Variants in TNFRSF21 observed in about 807,000 individuals in gnomAD.
TNFRSF21 encodes the protein TNF receptor superfamily member 21.
TNFRSF21 carries 19 observed loss-of-function variants against 45.6 expected under a neutral mutation model. That is an observed-to-expected ratio of 0.42 (90% CI 0.29 to 0.61). The LOEUF (loss-of-function observed/expected upper bound fraction) is 0.61. TNFRSF21 is among the 20% of genes least tolerant of loss of function. TNFRSF21 has a pLI of 0.23. For synonymous variants in TNFRSF21, 314 were observed against 335.5 expected, an observed-to-expected ratio of 0.94 and a Z score of 0.70; for missense variants, 737 against 851.5, an observed-to-expected ratio of 0.87 and a Z score of 1.67.
At chr6:47,233,526 TGA>T (rs1353598414) in intron 5 of TNFRSF21, among the ~76,000 whole-genome samples, 2 of 152,130 alleles carry the variant, frequency 1.3e-5, no homozygotes, top group African/African-American at 4.8e-5. Flanking sequence ...ACTAAACTGC[TGA>T]GAGAGTAAAA....
At chr6:47,291,947 T>G (rs2064599) in intron 1 of TNFRSF21, among the ~76,000 whole-genome samples, 90,444 of 151,986 alleles carry the variant, frequency 0.6, 29,297 homozygotes, top group African/African-American at 0.87. Context: ...CCTGAGAAAA[T>G]CCATTTTCCT....
At chr6:47,268,131 C>T (rs1762361758) in intron 3 of TNFRSF21, among the ~76,000 whole-genome samples, 1 of 152,178 alleles carries the variant, frequency 6.6e-6, no homozygotes, top group Non-Finnish European at 1.5e-5. Context: ...GGCCACATGC[C>T]TGAGAGCCAG....
chr6:47,260,646 T>A (rs1765061367), intron 3 of TNFRSF21, among the ~76,000 whole-genome samples: 1 of 152,180 alleles, frequency 6.6e-6, no homozygotes, highest in Non-Finnish European at 1.5e-5. Flanking sequence ...CTGGAATGAA[T>A]GTCATCAATG....
At chr6:47,306,633 T>C (rs544449364) in intron 1 of TNFRSF21, among the ~76,000 whole-genome samples, 144 of 152,354 alleles carry the variant, frequency 9.5e-4, no homozygotes, top group Non-Finnish European at 1.8e-3. Flanking sequence ...TATACATGTG[T>C]ATATATTATA....
chr6:47,289,875 T>C lies in TNFRSF21; in HGVS notation c.97-3280A>G, dbSNP rs575350818. ...CAGATGTGGTGGAGCATGCCTGTAATCCCAGCTACTTGGGAGGCAGAGGTG... is the reference window on the plus strand; with the variant it reads ...CAGATGTGGTGGAGCATGCCTGTAACCCCAGCTACTTGGGAGGCAGAGGTG... On this transcript the variant is annotated intron_variant, in intron 1 of 5. Transcript: ENST00000296861. Among the ~76,000 whole-genome samples, 3 of 152,230 alleles carry C rather than the reference T, an allele frequency of 2.0e-5. No homozygotes were observed. The East Asian group carries it at 5.8e-4, about 29-fold the overall frequency.
At chr6:47,308,478 CA>C (rs1762970242) in intron 1 of TNFRSF21, among the ~76,000 whole-genome samples, 1 of 152,210 alleles carries the variant, frequency 6.6e-6, no homozygotes, top group Non-Finnish European at 1.5e-5. Context: ...AATTTTCTTC[CA>C]CCTAACTTGC....
At chr6:47,282,394 AT>A (rs760322679) in intron 3 of TNFRSF21, among the ~76,000 whole-genome samples, 3,587 of 129,328 alleles carry the variant, frequency 0.028, 169 homozygotes, top group African/African-American at 0.12. Context: ...CAAAAAAAAA[AT>A]AAAAAAAAAA....
At chr6:47,291,053 A>C (rs1762716744) in intron 1 of TNFRSF21, among the ~76,000 whole-genome samples, 2 of 152,240 alleles carry the variant, frequency 1.3e-5, no homozygotes, top group South Asian at 4.1e-4. Flanking sequence ...TAGCTCAGGG[A>C]AGTTAGAGAA....
Position 47,309,431 on chromosome 6 carries a change from C to A in TNFRSF21, c.81G>T (p.Ala27=). The change falls in exon 1 of 6, where the codon GCG becomes GCT. Residue 27 remains alanine (A), a synonymous_variant. Coordinates refer to ENST00000296861, the MANE Select transcript of TNFRSF21 (RefSeq NM_014452.5). ...AAGCGCTCACCAGGAGAAGGGAGCC[C>A]GCGATCATCGTGGCTGTGGCTCGGC... is the stretch of plus-strand genomic sequence containing the variant. ...IARRATATMI[A]GSLLLLGFLS... 1 of 1,550,024 alleles carries A rather than the reference C, an allele frequency of 6.5e-7. No homozygotes were observed. Among genetic ancestry groups the A allele is most frequent in the East Asian group, 2.5e-5 (1 of 39,280 alleles).
chr6:47,261,574 C>T (rs531931379), intron 3 of TNFRSF21, among the ~76,000 whole-genome samples: 1 of 152,310 alleles, frequency 6.6e-6, no homozygotes, highest in South Asian at 2.1e-4. Flanking sequence ...GAAAGGACAA[C>T]AGTTCTATGG....
intron 3 of TNFRSF21, among the ~76,000 whole-genome samples, chr6:47,261,663 G>A (rs1309169870): frequency 1.3e-5 from 2 of 152,198 alleles, no homozygotes; most frequent in Non-Finnish European, 2.9e-5. Flanking sequence ...CTCTGCCAGT[G>A]CCCTCTTCCC....
chr6:47,244,302 C>T (rs888946520), intron 4 of TNFRSF21, among the ~76,000 whole-genome samples: 2 of 132,614 alleles, frequency 1.5e-5, no homozygotes, highest in Non-Finnish European at 3.1e-5. Flanking sequence ...CCAGCCTGGG[C>T]GACACAGCAA....
At chr6:47,284,845 C>A (rs2113863885) in intron 2 of TNFRSF21, among the ~76,000 whole-genome samples, 1 of 152,258 alleles carries the variant, frequency 6.6e-6, no homozygotes, top group Non-Finnish European at 1.5e-5. Context: ...TTTTATGATG[C>A]AGTGGTAAAA....
At chr6:47,260,573 A>T (rs1034108151) in intron 3 of TNFRSF21, among the ~76,000 whole-genome samples, 7 of 152,210 alleles carry the variant, frequency 4.6e-5, no homozygotes, top group Non-Finnish European at 1.0e-4. Context: ...TTTAATAAAA[A>T]CCCAAATTGA....
At chr6:47,299,862 T>C (rs2113870077) in intron 1 of TNFRSF21, among the ~76,000 whole-genome samples, 1 of 152,356 alleles carries the variant, frequency 6.6e-6, no homozygotes, top group South Asian at 2.1e-4. Context: ...TCTTCTGGAC[T>C]ACAGTCTGGC....
chr6:47,263,370 G>A (rs1322377738), intron 3 of TNFRSF21, among the ~76,000 whole-genome samples: 2 of 152,116 alleles, frequency 1.3e-5, no homozygotes, highest in African/African-American at 2.4e-5. Context: ...GGTCCAGGCT[G>A]GAATATGCAC....
chr6:47,291,297 A>C (rs557063406), intron 1 of TNFRSF21, among the ~76,000 whole-genome samples: 2 of 152,354 alleles, frequency 1.3e-5, no homozygotes, highest in African/African-American at 4.8e-5. Flanking sequence ...GAAGTCATTA[A>C]ATGTTTACAT....
At chr6:47,242,620 G>A (rs570617251) in intron 4 of TNFRSF21, among the ~76,000 whole-genome samples, 34 of 152,346 alleles carry the variant, frequency 2.2e-4, no homozygotes, top group African/African-American at 8.2e-4. Flanking sequence ...TCCGGAGGGA[G>A]GGAAAAGGGG....
intron 1 of TNFRSF21, among the ~76,000 whole-genome samples, chr6:47,298,844 G>A (rs575779046): frequency 1.3e-5 from 2 of 152,282 alleles, no homozygotes; most frequent in East Asian, 1.9e-4. Context: ...CTCTCAGAAA[G>A]GCACAATCAA....
Sources: gnomAD v4.1 joint callset for allele counts (sites outside exome capture counted in the v4.1 genomes callset) on GRCh38, gnomAD v4.1.1 for gene constraint, MANE v1.5 for transcripts, NCBI Gene and HGNC (gene_info 2026-07-23, HGNC 2026-07-21) for gene names.